The following OSBPL6 variants were observed in gnomAD, a reference collection of about 807,000 sequenced individuals.
OSBPL6 encodes oxysterol-binding protein-related protein 6.
Under a neutral mutation model 125.8 loss-of-function variants are expected in OSBPL6, and 49 were observed. The observed-to-expected ratio is 0.39, with a 90% CI of 0.31 to 0.49. The LOEUF (loss-of-function observed/expected upper bound fraction) is 0.49, where lower values mean the gene tolerates loss of function less well. Among genes scored for constraint, OSBPL6 ranks in the 20% least tolerant of loss-of-function variants. The pLI is 0.88. For missense variants in OSBPL6, 986 were observed against 1,135.4 expected, an observed-to-expected ratio of 0.87 and a Z score of 1.89; for synonymous variants, 394 against 391.8, an observed-to-expected ratio of 1.01 and a Z score of -0.07.
chr2:178,283,678 G>T (rs1175715546), intron 1 of OSBPL6, among the ~76,000 whole-genome samples: 3 of 152,210 alleles, frequency 2.0e-5, no homozygotes, highest in Non-Finnish European at 4.4e-5. Context: ...GTAAAGAAAA[G>T]AGGTTTATTT....
intron 1 of OSBPL6, among the ~76,000 whole-genome samples, chr2:178,201,506 C>G (rs1018093368): frequency 6.6e-6 from 1 of 152,168 alleles, no homozygotes; most frequent in Non-Finnish European, 1.5e-5. Flanking sequence ...CCCTGAGTGC[C>G]TGGGATTTTA....
At chr2:178,203,845 C>T (rs923003324) in intron 1 of OSBPL6, among the ~76,000 whole-genome samples, 1 of 152,100 alleles carries the variant, frequency 6.6e-6, no homozygotes, top group South Asian at 2.1e-4. Context: ...GTACTGTACC[C>T]AATGTCCGCT....
chr2:178,385,717 T>G (rs1267880890), intron 19 of OSBPL6, among the ~76,000 whole-genome samples, 196 bp downstream of exon 19: 2 of 152,238 alleles, frequency 1.3e-5, no homozygotes, highest in Non-Finnish European at 2.9e-5. Flanking sequence ...GAGATGAGAT[T>G]GCTTATCTTG....
At chr2:178,207,192 C>T (rs1241388586) in intron 1 of OSBPL6, among the ~76,000 whole-genome samples, 3 of 152,204 alleles carry the variant, frequency 2.0e-5, no homozygotes, top group South Asian at 4.1e-4. Context: ...TAAATTACCA[C>T]AAACTTAGTG....
At chr2:178,224,230 G>A (rs980753979) in intron 1 of OSBPL6, among the ~76,000 whole-genome samples, 49 of 152,292 alleles carry the variant, frequency 3.2e-4, no homozygotes, top group African/African-American at 1.2e-3. Context: ...AGAGAAGGTT[G>A]CATTGAAGCA....
At chr2:178,242,113 A>G (rs546434344) in intron 1 of OSBPL6, among the ~76,000 whole-genome samples, 2 of 152,232 alleles carry the variant, frequency 1.3e-5, no homozygotes, top group Admixed American at 6.5e-5. Context: ...TTTCACTAAC[A>G]TGTACATATG....
chr2:178,317,437 C>CATATATATATATATAT (rs6147046), intron 3 of OSBPL6, among the ~76,000 whole-genome samples: 1 of 106,944 alleles, frequency 9.4e-6, no homozygotes, highest in African/African-American at 3.8e-5. Flanking sequence ...ACTTAGACAC[C>CATATATATATATATAT]ATATATATAT....
At chr2:178,340,545 A>G (rs1690103358) in intron 11 of OSBPL6, among the ~76,000 whole-genome samples, 1 of 152,064 alleles carries the variant, frequency 6.6e-6, no homozygotes, top group African/African-American at 2.4e-5. Context: ...ATGGTAGATT[A>G]TGTCATAAAC....
At chr2:178,382,850 T>C (rs1694609381) in intron 16 of OSBPL6, 174 bp from the exon 17 acceptor site, 3 of 1,390,874 alleles carry the variant, frequency 2.2e-6, no homozygotes, top group Non-Finnish European at 1.9e-6. Flanking sequence ...TACACTGTTG[T>C]TTTCTGCATT....
chr2:178,215,719 A>G (rs1012963749), intron 1 of OSBPL6, among the ~76,000 whole-genome samples: 19 of 152,078 alleles, frequency 1.2e-4, no homozygotes, highest in African/African-American at 4.1e-4. Flanking sequence ...TTGGAGCTGA[A>G]ACTTTGGCAG....
At chr2:178,336,804 C>T (rs1005082549) in intron 9 of OSBPL6, among the ~76,000 whole-genome samples, 3 of 152,196 alleles carry the variant, frequency 2.0e-5, no homozygotes, top group African/African-American at 7.2e-5. Flanking sequence ...CTACTCTGCC[C>T]ATGGTCCCAG....
chr2:178,195,005 C>T (rs1159328163), intron 1 of OSBPL6, among the ~76,000 whole-genome samples: 1 of 152,196 alleles, frequency 6.6e-6, no homozygotes, highest in Non-Finnish European at 1.5e-5. Context: ...CGCATTCCCT[C>T]GCGCGGGCCG....
intron 1 of OSBPL6, among the ~76,000 whole-genome samples, chr2:178,237,250 A>G (rs1304390325): frequency 2.0e-5 from 3 of 152,170 alleles, no homozygotes; most frequent in African/African-American, 7.2e-5. Context: ...TTTCCTCGCC[A>G]AGACCCTACT....
intron 15 of OSBPL6, among the ~76,000 whole-genome samples, chr2:178,378,423 G>A (rs1694088257): frequency 6.6e-6 from 1 of 152,142 alleles, no homozygotes; most frequent in African/African-American, 2.4e-5. Context: ...TTCCATGGCA[G>A]AGGGAAAAAT....
chr2:178,243,887 G>A (rs1258295410), intron 1 of OSBPL6, among the ~76,000 whole-genome samples: 2 of 152,144 alleles, frequency 1.3e-5, no homozygotes, highest in Non-Finnish European at 2.9e-5. Flanking sequence ...TCCTGATCTC[G>A]TGATCCGCCT....
rs1351181705 is a variant in OSBPL6, at chr2:178,331,572, T to C, written c.339T>C (p.Asn113=). Residue 113 remains asparagine, a synonymous_variant, in exon 6 of 25, where the codon AAT becomes AAC. Coordinates refer to ENST00000190611, the MANE Select transcript of OSBPL6 (RefSeq NM_032523.4). ...GWHKRFFVLD[N]GMLKYSKAPL... is the part of the protein sequence containing the mutation. ...TGCAGCGTTTTTTTGTCCTGGATAA[T>C]GGAATGTTAAAGTATTCAAAGGCAC... is the stretch of plus-strand genomic sequence containing the variant. 2 of 1,614,010 alleles carry C rather than the reference T, an allele frequency of 1.2e-6. No homozygotes were observed. Among genetic ancestry groups the C allele is most frequent in the African/African-American group, 2.7e-5 (2 of 74,924 alleles).
intron 11 of OSBPL6, among the ~76,000 whole-genome samples, chr2:178,344,640 T>C (rs1011657358): frequency 1.4e-4 from 21 of 151,136 alleles, no homozygotes; most frequent in African/African-American, 5.1e-4. Context: ...CAGTGCCCCA[T>C]GATGTGAGCT....
At chr2:178,216,326 G>T (rs745626178) in intron 1 of OSBPL6, among the ~76,000 whole-genome samples, 39 of 152,152 alleles carry the variant, frequency 2.6e-4, no homozygotes, top group African/African-American at 8.7e-4. Flanking sequence ...ATACCCCTTG[G>T]TACATGAAAT....
At chr2:178,289,386 A>T (rs1405625477) in intron 2 of OSBPL6, among the ~76,000 whole-genome samples, 1 of 152,200 alleles carries the variant, frequency 6.6e-6, no homozygotes, top group African/African-American at 2.4e-5. Context: ...TTTGTATAAG[A>T]ATAGCATAAT....
Sources: allele counts gnomAD v4.1 joint callset (sites outside exome capture counted in the v4.1 genomes callset), GRCh38; gene constraint gnomAD v4.1.1; transcripts MANE v1.5; gene names NCBI Gene and HGNC (gene_info 2026-07-23, HGNC 2026-07-21).